Variants in FRMD4B observed in about 807,000 individuals in gnomAD.
FRMD4B encodes the protein FERM domain-containing protein 4B.
Under a neutral mutation model 141.5 loss-of-function variants are expected in FRMD4B, and 74 were observed. That is an observed-to-expected ratio of 0.52 (90% CI 0.43 to 0.63). The LOEUF is 0.63. FRMD4B is among the 30% of genes least tolerant of loss of function. FRMD4B has a pLI of 0.00. For missense variants in FRMD4B, 1,366 were observed against 1,253.4 expected, an observed-to-expected ratio of 1.09 and a Z score of -1.36; for synonymous variants, 506 against 467.9, an observed-to-expected ratio of 1.08 and a Z score of -1.05.
At chr3:69,242,636 C>G (rs948582941) in intron 7 of FRMD4B, among the ~76,000 whole-genome samples, 4 of 147,286 alleles carry the variant, frequency 2.7e-5, no homozygotes, top group Non-Finnish European at 5.9e-5. Context: ...CTTTTTCTTA[C>G]AAGTAGAAGC....
intron 1 of FRMD4B, among the ~76,000 whole-genome samples, chr3:69,321,742 T>A (rs775684673): frequency 1.3e-5 from 2 of 151,322 alleles, no homozygotes; most frequent in African/African-American, 2.4e-5. Context: ...CTACACAGGG[T>A]CTCACTCTGT....
At chr3:69,283,659 G>A (rs1426367960) in intron 5 of FRMD4B, among the ~76,000 whole-genome samples, 2 of 152,140 alleles carry the variant, frequency 1.3e-5, no homozygotes, top group East Asian at 1.9e-4. Context: ...AATATTACAA[G>A]GAGCGATTGT....
chr3:69,181,713 G>A lies in FRMD4B; in HGVS notation c.2040-3C>T. ...AGTGCTGAGATGAAGATTCGGGTCTGAAAGAGGAGAAAGGCAAACTTCTCA... is the reference window on the plus strand; with the variant it reads ...AGTGCTGAGATGAAGATTCGGGTCTAAAAGAGGAGAAAGGCAAACTTCTCA... On this transcript the variant is annotated splice_region_variant and splice_polypyrimidine_tract_variant and intron_variant, in intron 20 of 22. Transcript: ENST00000398540. 1 of 1,590,128 alleles carries A rather than the reference G, an allele frequency of 6.3e-7. No homozygotes were observed. Among genetic ancestry groups the A allele is most frequent in the Non-Finnish European group, 8.6e-7 (1 of 1,164,712 alleles).
chr3:69,505,547 T>C (rs1706582043), intron 1 of FRMD4B, among the ~76,000 whole-genome samples: 1 of 152,216 alleles, frequency 6.6e-6, no homozygotes, highest in Admixed American at 6.5e-5. Context: ...CACTTTGTCC[T>C]TGTAAGTAGG....
chr3:69,244,919 C>A (rs1453383444), intron 7 of FRMD4B, among the ~76,000 whole-genome samples: 1 of 151,952 alleles, frequency 6.6e-6, no homozygotes, highest in African/African-American at 2.4e-5. Flanking sequence ...TTTATATTAG[C>A]TTTATGGGGA....
intron 1 of FRMD4B, among the ~76,000 whole-genome samples, chr3:69,515,717 A>T (rs541107718): frequency 1.0e-3 from 154 of 152,282 alleles, no homozygotes; most frequent in Non-Finnish European, 1.4e-3. Context: ...TTATTTAATT[A>T]ATAAAGAAAC....
chr3:69,393,581 T>C (rs569326689), intron 2 of FRMD4B, among the ~76,000 whole-genome samples: 2 of 152,304 alleles, frequency 1.3e-5, no homozygotes, highest in East Asian at 3.9e-4. Flanking sequence ...CCAGAATTTG[T>C]CACCTTTTAT....
At chr3:69,482,315 T>A (rs954577127) in intron 1 of FRMD4B, among the ~76,000 whole-genome samples, 7 of 152,136 alleles carry the variant, frequency 4.6e-5, no homozygotes. Flanking sequence ...TGGCCCTAAC[T>A]AAGAATATCA....
Position 69,458,785 on chromosome 3 carries a change from G to C in FRMD4B, c.-128-26024C>G, listed in dbSNP as rs369300784. Among the ~76,000 whole-genome samples, 96 of 148,000 alleles carry C rather than the reference G, an allele frequency of 6.5e-4. 1 individual carries two copies. In the East Asian group the frequency reaches 0.015, roughly 24 times the overall value. ...GGTAGATTCTACTCTTATTACCTGG[G>C]TAGAATGTGGGTCTTCCATGAGGTG... is the stretch of plus-strand genomic sequence containing the variant. On this transcript the variant is annotated intron_variant, in intron 1 of 5. Transcript: ENST00000459638.
intron 4 of FRMD4B, among the ~76,000 whole-genome samples, chr3:69,290,517 C>A (rs1335553660): frequency 1.3e-5 from 2 of 152,134 alleles, no homozygotes; most frequent in Non-Finnish European, 2.9e-5. Flanking sequence ...TTTCCAAGAA[C>A]CTTCCAGTTC....
rs1042717952 is a variant in FRMD4B at position 69,423,180 on chromosome 3, G to A, written c.-1+9454C>T. On this transcript the variant is annotated intron_variant, in intron 2 of 5. Transcript: ENST00000459638. ...TTTTGAAAAATAGAGACAGGATCTC[G>A]CTCTGTTGCCCAGGCTGTAGTGCAG... 3.3e-5 allele frequency among the ~76,000 whole-genome samples: 5 copies of A among 152,258 alleles called. 1 individual carries two copies. The South Asian group carries it at 8.3e-4, about 25-fold the overall frequency.
chr3:69,260,645 G>T (rs770205967), intron 5 of FRMD4B, among the ~76,000 whole-genome samples: 8 of 152,268 alleles, frequency 5.3e-5, no homozygotes, highest in Non-Finnish European at 1.2e-4. Flanking sequence ...CAGGCGCGTG[G>T]TGCGGGACTG....
rs535893120 is a variant in FRMD4B, at chr3:69,234,617, C to T, written c.582-9927G>A. Among the ~76,000 whole-genome samples, 5 of 152,300 alleles carry T rather than the reference C, an allele frequency of 3.3e-5. No homozygotes were observed. In the South Asian group the frequency reaches 1.0e-3, roughly 32 times the overall value. Reference sequence around the variant, plus strand: ...ACTAGAAATTTCTAATAGTAAGTTTCTCTCTACTGATTCCTAGGTAAAGCA... The same window carrying T: ...ACTAGAAATTTCTAATAGTAAGTTTTTCTCTACTGATTCCTAGGTAAAGCA... On this transcript the variant is annotated intron_variant, in intron 7 of 22. Transcript: ENST00000398540.
intron 1 of FRMD4B, among the ~76,000 whole-genome samples, chr3:69,501,571 A>G (rs1328903377): frequency 6.6e-6 from 1 of 152,224 alleles, no homozygotes; most frequent in Non-Finnish European, 1.5e-5. Flanking sequence ...CTGAGGTAAT[A>G]TCACACTGAA....
intron 1 of FRMD4B, 150 bp from the exon 2 acceptor site, chr3:69,313,667 T>C (rs1234524240): frequency 3.3e-6 from 2 of 614,310 alleles, no homozygotes; most frequent in African/African-American, 1.8e-5. Flanking sequence ...AAAACAGATT[T>C]ATTATATGGG....
At chr3:69,342,098 C>T (rs1056803026) in intron 1 of FRMD4B, among the ~76,000 whole-genome samples, 1 of 152,148 alleles carries the variant, frequency 6.6e-6, no homozygotes, top group African/African-American at 2.4e-5. Flanking sequence ...AAACACTTCC[C>T]CCCACAAATA....
At chr3:69,416,925 C>T (rs918892592) in intron 2 of FRMD4B, among the ~76,000 whole-genome samples, 1 of 152,152 alleles carries the variant, frequency 6.6e-6, no homozygotes, top group African/African-American at 2.4e-5. Flanking sequence ...TGTATATATG[C>T]CACATTTTCT....
intron 1 of FRMD4B, among the ~76,000 whole-genome samples, chr3:69,481,061 G>T (rs1272402496): frequency 3.3e-5 from 5 of 152,202 alleles, no homozygotes; most frequent in Non-Finnish European, 7.3e-5. Context: ...AAGCCCGTCG[G>T]AAAAGCCCAG....
chr3:69,483,677 GA>G (rs1338521162), intron 1 of FRMD4B, among the ~76,000 whole-genome samples: 1 of 152,136 alleles, frequency 6.6e-6, no homozygotes, highest in African/African-American at 2.4e-5. Flanking sequence ...ACTGCTGGTG[GA>G]AAAATTGTTA....
Sources: gnomAD v4.1 joint callset for allele counts (sites outside exome capture counted in the v4.1 genomes callset) on GRCh38, gnomAD v4.1.1 for gene constraint, MANE v1.5 for transcripts, NCBI Gene and HGNC (gene_info 2026-07-23, HGNC 2026-07-21) for gene names.